The following SOX6 variants were observed in gnomAD, a reference collection of about 807,000 sequenced individuals.
SOX6 encodes transcription factor SOX-6.
A neutral mutation model predicts 97.8 loss-of-function variants in SOX6; 11 were observed. The observed-to-expected ratio is 0.11, with a 90% CI of 0.07 to 0.19. The LOEUF is 0.19. Ranked by LOEUF, SOX6 falls within the 10% of genes least tolerant of loss-of-function variation. The probability of loss-of-function intolerance (pLI) is 1.00; values close to 1 mark genes in which losing one functional copy is unlikely to be tolerated. For synonymous variants in SOX6, 360 were observed against 371.4 expected (o/e 0.97, Z 0.35); for missense variants, 810 against 1,039.5 (o/e 0.78, Z 3.04).
intron 3 of SOX6, among the ~76,000 whole-genome samples, chr11:16,270,646 CACACACAA>C (rs1042919073): frequency 1.8e-5 from 1 of 55,140 alleles, no homozygotes; most frequent in Non-Finnish European, 4.2e-5. Context: ...ATAACACACA[CACACACAA>C]ACACACACAC....
At chr11:16,429,477 T>C (rs568910182) in intron 1 of SOX6, among the ~76,000 whole-genome samples, 3 of 152,180 alleles carry the variant, frequency 2.0e-5, no homozygotes, top group African/African-American at 7.2e-5. Context: ...ATATACACCA[T>C]GGAATACTAT....
chr11:16,580,590 G>T (rs1476049869), intron 4 of SOX6, among the ~76,000 whole-genome samples: 1 of 152,118 alleles, frequency 6.6e-6, no homozygotes, highest in African/African-American at 2.4e-5. Flanking sequence ...CAACCTAGGT[G>T]CTCATCAGTG....
At chr11:16,228,627 T>G (rs1004151613) in intron 4 of SOX6, among the ~76,000 whole-genome samples, 5 of 152,134 alleles carry the variant, frequency 3.3e-5, no homozygotes, top group Non-Finnish European at 5.9e-5. Flanking sequence ...TTGTGCTGCA[T>G]GCTGTAAATC....
At chr11:16,217,884 T>C (rs2134152521) in intron 4 of SOX6, among the ~76,000 whole-genome samples, 1 of 152,242 alleles carries the variant, frequency 6.6e-6, no homozygotes, top group Admixed American at 6.5e-5. Flanking sequence ...AAATAAACAG[T>C]TACCTGCCTG....
intron 6 of SOX6, among the ~76,000 whole-genome samples, chr11:16,139,970 T>TATAC (rs1246725237): frequency 2.7e-5 from 4 of 148,274 alleles, no homozygotes; most frequent in Non-Finnish European, 4.5e-5. Flanking sequence ...TATATATATA[T>TATAC]ATACATATAA....
At chr11:16,253,224 C>A (rs1853570976) in intron 3 of SOX6, among the ~76,000 whole-genome samples, 1 of 151,956 alleles carries the variant, frequency 6.6e-6, no homozygotes, top group Non-Finnish European at 1.5e-5. Context: ...TGGTGCATGC[C>A]TACAATCCCA....
At chr11:16,526,815 A>G (rs1215535154) in intron 4 of SOX6, among the ~76,000 whole-genome samples, 1 of 152,100 alleles carries the variant, frequency 6.6e-6, no homozygotes, top group African/African-American at 2.4e-5. Context: ...AACACAAAAG[A>G]GAAATTAAGG....
chr11:16,643,076 G>A (rs1035919002), intron 3 of SOX6, among the ~76,000 whole-genome samples: 7 of 152,190 alleles, frequency 4.6e-5, no homozygotes, highest in South Asian at 4.1e-4. Context: ...TGATGGTGAC[G>A]TACAGATGGG....
At chr11:16,092,506 T>C (rs1848714219) in intron 9 of SOX6, among the ~76,000 whole-genome samples, 1 of 151,962 alleles carries the variant, frequency 6.6e-6, no homozygotes, top group Non-Finnish European at 1.5e-5. Flanking sequence ...AAGGCTCATA[T>C]ATTTCACAAT....
At chr11:16,132,306 G>GAAAAAA (rs1180268661) in intron 6 of SOX6, among the ~76,000 whole-genome samples, 1 of 112,112 alleles carries the variant, frequency 8.9e-6, no homozygotes, top group African/African-American at 3.5e-5. Flanking sequence ...AAGGAAGGAA[G>GAAAAAA]GAAGGAAGGA....
intron 4 of SOX6, among the ~76,000 whole-genome samples, chr11:16,565,020 T>A (rs1486198365): frequency 6.6e-6 from 1 of 152,074 alleles, no homozygotes; most frequent in East Asian, 1.9e-4. Flanking sequence ...AAACAAAAAA[T>A]TGGTTCTTTG....
At chr11:16,110,737 C>T (rs1483781641) in intron 7 of SOX6, among the ~76,000 whole-genome samples, 2 of 152,118 alleles carry the variant, frequency 1.3e-5, no homozygotes, top group African/African-American at 4.8e-5. Context: ...TCACTGGCAA[C>T]AAGCAATTAA....
chr11:16,596,358 G>A (rs1232483818), intron 4 of SOX6, among the ~76,000 whole-genome samples: 2 of 152,218 alleles, frequency 1.3e-5, no homozygotes, highest in African/African-American at 4.8e-5. Context: ...AAAGAGAAGT[G>A]CAGTGGCTAA....
intron 1 of SOX6, among the ~76,000 whole-genome samples, chr11:16,349,342 T>C (rs1033842019): frequency 6.6e-6 from 1 of 152,062 alleles, no homozygotes; most frequent in African/African-American, 2.4e-5. Context: ...CTAGGCCTGC[T>C]GAGGTGGCTC....
intron 7 of SOX6, among the ~76,000 whole-genome samples, chr11:16,100,481 A>G (rs1848916205): frequency 6.6e-6 from 1 of 151,774 alleles, no homozygotes; most frequent in African/African-American, 2.4e-5. Context: ...AACAAAGACA[A>G]AGTAGGATTT....
At chr11:16,227,595 A>T (rs1323851073) in intron 4 of SOX6, among the ~76,000 whole-genome samples, 1 of 152,096 alleles carries the variant, frequency 6.6e-6, no homozygotes, top group Non-Finnish European at 1.5e-5. Context: ...AACTCATTCA[A>T]CAAATATTTA....
intron 4 of SOX6, among the ~76,000 whole-genome samples, chr11:16,599,958 T>C (rs1033280765): frequency 2.6e-5 from 4 of 152,200 alleles, no homozygotes; most frequent in African/African-American, 9.6e-5. Flanking sequence ...AAATAGTTGA[T>C]GCACAAAAGC....
intron 1 of SOX6, among the ~76,000 whole-genome samples, chr11:16,391,567 G>A (rs1436647536): frequency 6.6e-6 from 1 of 152,112 alleles, no homozygotes; most frequent in African/African-American, 2.4e-5. Flanking sequence ...TAGTAAACAT[G>A]TTCCTCCTCA....
chr11:16,380,602 AAGTATGAT>A (rs1857781955), intron 1 of SOX6, among the ~76,000 whole-genome samples: 1 of 152,106 alleles, frequency 6.6e-6, no homozygotes, highest in Admixed American at 6.5e-5. Flanking sequence ...AGGCACAAAT[AAGTATGAT>A]AGTTTTTCTA....
Sources: allele counts gnomAD v4.1 joint callset (sites outside exome capture counted in the v4.1 genomes callset), GRCh38; gene constraint gnomAD v4.1.1; transcripts MANE v1.5; gene names NCBI Gene and HGNC (gene_info 2026-07-23, HGNC 2026-07-21).